RMDN3: variants seen among roughly 807,000 people sequenced by gnomAD.
RMDN3 encodes regulator of microtubule dynamics protein 3.
Under a neutral mutation model 61.8 loss-of-function variants are expected in RMDN3, and 41 were observed. The ratio of observed to expected loss-of-function variants is 0.66; its 90% CI spans 0.52 to 0.86. The LOEUF is 0.86. RMDN3 is among the 40% of genes least tolerant of loss of function. The pLI is 0.00. For missense variants in RMDN3, 557 were observed against 585.3 expected (o/e 0.95, Z 0.50); for synonymous variants, 247 against 232.0 (o/e 1.06, Z -0.59).
chr15:40,736,382 T>G lies in RMDN3; in HGVS notation c.*159A>C. The G allele has an allele frequency of 1.6e-6, 1 of 642,170 alleles. No homozygotes were observed. Among genetic ancestry groups the G allele is most frequent in the African/African-American group, 1.8e-5 (1 of 54,110 alleles). 39.8% of individuals were successfully genotyped at this position (642,170 alleles called of 1,614,324 possible). A position where few individuals can be genotyped will look rare whatever the true frequency, so the allele number is the denominator to read the frequency against. On this transcript the variant is annotated 3_prime_UTR_variant, in exon 13 of 13. Transcript: ENST00000338376. The stretch of plus-strand genomic sequence containing the variant: ...CCCAATTCTAGATTAGGTTAGAGGT[T>G]AGAATAAATTAACTAATGGGGAGTG...
At chr15:40,738,100 G>A in intron 8 of RMDN3, 58 bp from the exon 9 acceptor site, 1 of 1,567,776 alleles carries the variant, frequency 6.4e-7, no homozygotes. Flanking sequence ...TAAAAGAGAG[G>A]CAAGGGCCGG....
At chr15:40,746,880 A>G (rs994547490) in intron 4 of RMDN3, among the ~76,000 whole-genome samples, 14 of 147,336 alleles carry the variant, frequency 9.5e-5, no homozygotes, top group African/African-American at 3.6e-4. Context: ...AGTTATTAGA[A>G]AAAAAAAAAA....
Position 40,744,969 on chromosome 15 carries a change from A to G in RMDN3, c.807+8T>C. On this transcript the variant is annotated splice_region_variant and intron_variant, in intron 5 of 12. Transcript: ENST00000338376. ...GAAGGAGAAGGAGACAGGCAGCTGG[A>G]GCCTCACCACCAGCTTGTTGTTGAG... is the stretch of plus-strand genomic sequence containing the variant. The G allele has an allele frequency of 1.3e-6, 2 of 1,587,230 alleles. No individual in the cohort carries two copies. Among genetic ancestry groups the G allele is most frequent in the Non-Finnish European group, 1.7e-6 (2 of 1,164,840 alleles).
At chr15:40,744,368 T>C in intron 5 of RMDN3, 1 of 512,744 alleles carries the variant, frequency 2.0e-6, no homozygotes, top group South Asian at 2.1e-5. Context: ...CTTGCACAAT[T>C]ACGGGGTGAG....
chr15:40,744,738 CCCAA>C (rs1897439314), intron 5 of RMDN3, among the ~76,000 whole-genome samples: 3 of 152,118 alleles, frequency 2.0e-5, no homozygotes, highest in Non-Finnish European at 4.4e-5. Context: ...CACTCCCCCT[CCCAA>C]GAGGGGAGGC....
chr15:40,744,073 C>T lies in RMDN3; in HGVS notation c.884G>A (p.Ser295Asn), dbSNP rs746277197. 4 of 1,613,286 alleles carry T rather than the reference C, an allele frequency of 2.5e-6. No individual in the cohort carries two copies. Among genetic ancestry groups the T allele is most frequent in the Admixed American group, 3.3e-5 (2 of 59,912 alleles). The change falls in exon 6 of 13, where the codon AGC becomes AAC. Residue 295 changes from serine (S) to asparagine (N), a missense_variant. By Grantham distance (46) the Ser-to-Asn change is conservative (BLOSUM62 1). Coordinates refer to ENST00000338376, the MANE Select transcript of RMDN3 (RefSeq NM_018145.3). ...ATCTAGGGCATATGACTTCTTCTCG[C>T]TCACCTCCTCAGTGAGCTCACACAT... ...SDMCELTEEV[S>N]EKKSYALDGK...
intron 4 of RMDN3, chr15:40,747,829 C>T (rs1254114255): frequency 6.6e-6 from 1 of 152,088 alleles, no homozygotes; most frequent in Non-Finnish European, 1.5e-5. Flanking sequence ...TTAAGTTTCT[C>T]TTAACCTAAA....
At position 40,737,292 on chromosome 15, in the gene RMDN3, G is replaced by GAAAT. The variant is rs1178365547; in HGVS notation, c.1270_1273dup (p.Ser425TyrfsTer13). 6.2e-7 allele frequency: 1 copy of GAAAT among 1,613,924 alleles called. No homozygotes were observed. Among genetic ancestry groups the GAAAT allele is most frequent in the South Asian group, 1.1e-5 (1 of 91,080 alleles). ...GAAGTAGACAAATGAGTTTACCTTG[G>GAAAT]AAATATATACCCTTCCTGCTTTGGA... is the stretch of plus-strand genomic sequence containing the variant. On this transcript the variant is annotated frameshift_variant, in exon 11 of 13. Coordinates refer to ENST00000338376, the MANE Select transcript of RMDN3 (RefSeq NM_018145.3). LOFTEE classifies it high-confidence loss of function.
In RMDN3 at chr15:40,737,913, G is replaced by C. The variant is rs147774712; in HGVS notation, c.1125+52C>G. On this transcript the variant is annotated intron_variant, in intron 9 of 12. Coordinates refer to ENST00000338376, the MANE Select transcript of RMDN3 (RefSeq NM_018145.3). ...TCTTGTTCTTCCTGGCAAGGAAATC[G>C]GTGTCAGAAGGCATTTAGGACCATT... 6.3e-6 allele frequency: 10 copies of C among 1,581,006 alleles called. No homozygotes were observed. The East Asian group carries it at 1.8e-4, about 28-fold the overall frequency.
Position 40,754,638 on chromosome 15 carries a change from T to A in RMDN3, c.146A>T (p.Asn49Ile). The A allele has an allele frequency of 6.2e-7, 1 of 1,613,616 alleles. No homozygotes were observed. Among genetic ancestry groups the A allele is most frequent in the Non-Finnish European group, 8.5e-7 (1 of 1,179,928 alleles). The change falls in exon 2 of 13, where the codon AAC (asparagine) becomes ATC (isoleucine). Residue 49 changes from asparagine to isoleucine, a missense_variant. Physicochemically the swap from Asn to Ile is moderately radical, Grantham distance 149. Transcript: ENST00000338376. Reference protein sequence around the residue: ...QRHGRSQSLPNSLDYTQTSDP... With the variant: ...QRHGRSQSLPISLDYTQTSDP... ...TGAAGTCTGCGTATAGTCCAGGGAG[T>A]TGGGCAGGCTCTGGCTGCGGCCATG...
chr15:40,740,110 A>G (rs1897219531), intron 7 of RMDN3, 23 bp downstream of exon 7: 1 of 1,559,054 alleles, frequency 6.4e-7, no homozygotes, highest in Non-Finnish European at 8.8e-7. Context: ...GGCTCTTCCC[A>G]GAACACTGCA....
At position 40,754,187 on chromosome 15, in the gene RMDN3, G is replaced by A. The variant is rs1477714747; in HGVS notation, c.187+410C>T. ...ACTCTGTCACCCAGGCTGGAGTGCAGTGGCGCAACCTCAGCTCACTGCGGC... is the reference window on the plus strand; with the variant it reads ...ACTCTGTCACCCAGGCTGGAGTGCAATGGCGCAACCTCAGCTCACTGCGGC... On this transcript the variant is annotated intron_variant, in intron 2 of 12. Coordinates refer to ENST00000338376, the MANE Select transcript of RMDN3 (RefSeq NM_018145.3). 3.4e-5 allele frequency among the ~76,000 whole-genome samples: 5 copies of A among 148,624 alleles called. No individual in the cohort carries two copies. In the Middle Eastern group the frequency reaches 0.011, roughly 316 times the overall value.
intron 4 of RMDN3, among the ~76,000 whole-genome samples, 158 bp from the exon 5 acceptor site, chr15:40,745,417 T>C (rs1897491657): frequency 6.7e-6 from 1 of 149,602 alleles, no homozygotes; most frequent in African/African-American, 2.5e-5. Context: ...TTTTTCTTTT[T>C]TTTTTTTTTT....
chr15:40,751,475 A>C lies in RMDN3; in HGVS notation c.475T>G (p.Phe159Val). ...AACGTGGCTCCCGAGGAGGCCGTGA[A>C]GTAGACAGAGCTGGAGCCAGTGGAG... ...SDSTGSSSVY[F>V]TASSGATFTD... is the part of the protein sequence containing the mutation. The change falls in exon 4 of 13, where the codon TTC (phenylalanine) becomes GTC (valine). Residue 159 changes from phenylalanine (F) to valine (V), a missense_variant. By Grantham distance (50) the Phe-to-Val change is conservative (BLOSUM62 -1). Coordinates refer to ENST00000338376, the MANE Select transcript of RMDN3 (RefSeq NM_018145.3). The C allele has an allele frequency of 6.2e-7, 1 of 1,614,210 alleles. No homozygotes were observed. The highest frequency in any genetic ancestry group is 8.5e-7 in the Non-Finnish European group (1 of 1,180,032).
intron 6 of RMDN3, among the ~76,000 whole-genome samples, chr15:40,741,619 G>GTTTTTTT (rs1333820266): frequency 1.6e-5 from 1 of 60,990 alleles, no homozygotes; most frequent in African/African-American, 5.4e-5. Flanking sequence ...TGCAACATAG[G>GTTTTTTT]ATTTTTTTTT....
At position 40,748,935 on chromosome 15, in the gene RMDN3, G is replaced by A. The variant is rs139434677; in HGVS notation, c.524+2491C>T. Among the ~76,000 whole-genome samples the A allele has an allele frequency of 3.0e-3, 407 of 137,042 alleles. 2 individuals carry two copies. The highest frequency in any genetic ancestry group is 0.011 in the African/African-American group (389 of 36,036). The allele number at this position is 137,042 out of a possible 152,430, so 89.9% of individuals were successfully genotyped here. On this transcript the variant is annotated intron_variant, in intron 4 of 12. Coordinates refer to ENST00000338376, the MANE Select transcript of RMDN3 (RefSeq NM_018145.3). ...TTTTTTTTTTTTGAGACAGAGTACT[G>A]CTCTATCACCGAGGCTGGAGTGCAG...
In RMDN3 at chr15:40,754,686, TG is replaced by T. The variant is rs1566812947; in HGVS notation, c.97del (p.Gln33SerfsTer31). Reference sequence around the variant, plus strand: ...ATGACGCTGGGTCCGTTTCCATCGCTGGCTGTAAAGGAGGCACAGGAATCCA... The same window carrying T: ...ATGACGCTGGGTCCGTTTCCATCGCTGCTGTAAAGGAGGCACAGGAATCCA... ...GLGFLCLLYSQRWKRTQRHGR... is the reference protein window; with the variant it reads ...GLGFLCLLYSXRWKRTQRHGR... On this transcript the variant is annotated frameshift_variant, in exon 2 of 13. Coordinates refer to ENST00000338376, the MANE Select transcript of RMDN3 (RefSeq NM_018145.3). LOFTEE classifies it high-confidence loss of function. The T allele has an allele frequency of 6.2e-7, 1 of 1,614,104 alleles. No individual in the cohort carries two copies.
intron 5 of RMDN3, among the ~76,000 whole-genome samples, chr15:40,744,640 A>G (rs976123303): frequency 2.0e-5 from 3 of 151,046 alleles, no homozygotes; most frequent in Non-Finnish European, 4.4e-5. Flanking sequence ...AATGAGGAGA[A>G]AAAAAAAATA....
intron 6 of RMDN3, 37 bp from the exon 7 acceptor site, chr15:40,740,230 C>T (rs746150223): frequency 2.2e-6 from 3 of 1,348,656 alleles, no homozygotes; most frequent in Non-Finnish European, 3.2e-6. Flanking sequence ...TGACATAGCT[C>T]TTATGCACAC....
Sources: allele counts gnomAD v4.1 joint callset (sites outside exome capture counted in the v4.1 genomes callset), GRCh38; gene constraint gnomAD v4.1.1; transcripts MANE v1.5; gene names NCBI Gene and HGNC (gene_info 2026-07-23, HGNC 2026-07-21).